CMTM6: variants seen among roughly 807,000 people sequenced by gnomAD.
CMTM6 encodes the protein CKLF like MARVEL transmembrane domain containing 6, also known as CKLF-like MARVEL transmembrane domain-containing protein 6.
A neutral mutation model predicts 13.6 loss-of-function variants in CMTM6; 5 were observed. That is an observed-to-expected ratio of 0.37 (90% confidence interval 0.19 to 0.77). CMTM6 has a LOEUF of 0.77. Ranked by LOEUF, CMTM6 falls within the 30% of genes least tolerant of loss-of-function variation. CMTM6 has a pLI of 0.50. For missense variants in CMTM6, 196 were observed against 218.6 expected, an observed-to-expected ratio of 0.90 and a Z score of 0.65; for synonymous variants, 99 against 84.5, an observed-to-expected ratio of 1.17 and a Z score of -0.94.
intron 1 of CMTM6, among the ~76,000 whole-genome samples, chr3:32,498,597 CTT>C (rs58720077): frequency 3.9e-5 from 5 of 127,080 alleles, no homozygotes; most frequent in Admixed American, 1.7e-4. Flanking sequence ...ACTACCCCTT[CTT>C]TTTTTTTTTT....
In CMTM6 at chr3:32,491,905, A is replaced by G. The variant is rs753732209; in HGVS notation, c.139-19T>C. The G allele has an allele frequency of 1.3e-6, 2 of 1,583,608 alleles. No individual in the cohort carries two copies. The highest frequency in any genetic ancestry group is 1.7e-6 in the Non-Finnish European group (2 of 1,166,990). On this transcript the variant is annotated intron_variant, in intron 1 of 3. Coordinates refer to ENST00000205636, the MANE Select transcript of CMTM6 (RefSeq NM_017801.3). ...ACAGCAACTACAAATGAAGCAAAAC[A>G]TTTTACTTAAGTGTTTTTTCAGAGA...
intron 1 of CMTM6, among the ~76,000 whole-genome samples, chr3:32,496,005 A>G (rs1318102922): frequency 1.3e-5 from 2 of 152,138 alleles, no homozygotes; most frequent in Admixed American, 6.5e-5. Flanking sequence ...GTTCAAGACC[A>G]GCCTGGCCAA....
intron 2 of CMTM6, 24 bp from the exon 3 acceptor site, chr3:32,488,060 A>C: frequency 4.9e-6 from 7 of 1,415,786 alleles, no homozygotes; most frequent in Non-Finnish European, 6.0e-6. Flanking sequence ...CAAAACACAA[A>C]AGGAATACAA....
intron 3 of CMTM6, among the ~76,000 whole-genome samples, chr3:32,486,060 T>C (rs1431102054): frequency 6.6e-6 from 1 of 152,200 alleles, no homozygotes; most frequent in Non-Finnish European, 1.5e-5. Context: ...GTATTTTTAG[T>C]AGAGACAAGC....
chr3:32,486,732 T>C (rs1481468444), intron 3 of CMTM6, among the ~76,000 whole-genome samples: 1 of 152,190 alleles, frequency 6.6e-6, no homozygotes, highest in African/African-American at 2.4e-5. Flanking sequence ...CCAATTCTCA[T>C]GTCAAATTAT....
rs759598730 is a variant in CMTM6, at chr3:32,502,671, G to A, written c.75C>T (p.Leu25=). 8.8e-6 allele frequency: 14 copies of A among 1,590,418 alleles called. 1 individual carries two copies. Among genetic ancestry groups the A allele is most frequent in the South Asian group, 6.8e-5 (6 of 87,876 alleles). The change falls in exon 1 of 4, where the codon CTC becomes CTT. Residue 25 remains leucine, a synonymous_variant. Coordinates refer to ENST00000205636, the MANE Select transcript of CMTM6 (RefSeq NM_017801.3). ...PGPARGPRSG[L]AAYFFMGRLP... ...GCCGGCCCATGAAAAAGTAGGCAGC[G>A]AGGCCGCTCCGGGGGCCTCTGGCGG...
chr3:32,483,853 A>T lies in CMTM6; in HGVS notation c.*107T>A. ...CTTCTTGACCTTCCCCTTGCTCTCC[A>T]AAAGAAGTGGTTTAAACAATTAACA... On this transcript the variant is annotated 3_prime_UTR_variant, in exon 4 of 4. Coordinates refer to ENST00000205636, the MANE Select transcript of CMTM6 (RefSeq NM_017801.3). The T allele has an allele frequency of 6.0e-6, 7 of 1,160,442 alleles. No homozygotes were observed. Among genetic ancestry groups the T allele is most frequent in the Non-Finnish European group, 8.0e-6 (7 of 874,018 alleles). 71.9% of individuals were successfully genotyped at this position (1,160,442 alleles called of 1,614,324 possible). A position where few individuals can be genotyped will look rare whatever the true frequency, so the allele number is the denominator to read the frequency against.
intron 1 of CMTM6, among the ~76,000 whole-genome samples, chr3:32,498,859 T>C (rs1338750002): frequency 1.3e-5 from 2 of 152,096 alleles, no homozygotes; most frequent in Non-Finnish European, 2.9e-5. Flanking sequence ...ATTACAGGCA[T>C]GAGCCACCGC....
At position 32,502,475 on chromosome 3, in the gene CMTM6, G is replaced by A. The variant is rs1480261017; in HGVS notation, c.138+133C>T. ...AACGCCCCCTTCCCCAGGCTGAGAG[G>A]GAAGGAACTAGAGGTGTGGAAACCT... On this transcript the variant is annotated intron_variant, in intron 1 of 3. Coordinates refer to ENST00000205636, the MANE Select transcript of CMTM6 (RefSeq NM_017801.3). The A allele has an allele frequency of 6.1e-6, 7 of 1,148,342 alleles. No individual in the cohort carries two copies. In the Admixed American group the frequency reaches 9.1e-5, roughly 15 times the overall value. 71.1% of individuals were successfully genotyped at this position (1,148,342 alleles called of 1,614,324 possible). A position where few individuals can be genotyped will look rare whatever the true frequency, so the allele number is the denominator to read the frequency against.
At chr3:32,488,945 T>A (rs1697227656) in intron 2 of CMTM6, among the ~76,000 whole-genome samples, 1 of 152,166 alleles carries the variant, frequency 6.6e-6, no homozygotes, top group Non-Finnish European at 1.5e-5. Flanking sequence ...TTTTTGAGTT[T>A]TCTGAACTGC....
In CMTM6 at chr3:32,483,869, A is replaced by G; in HGVS notation, c.*91T>C. On this transcript the variant is annotated 3_prime_UTR_variant, in exon 4 of 4. Coordinates refer to ENST00000205636, the MANE Select transcript of CMTM6 (RefSeq NM_017801.3). ...TTGCTCTCCAAAAGAAGTGGTTTAAACAATTAACAAATTTTACAAGAGCTT... is the reference window on the plus strand; with the variant it reads ...TTGCTCTCCAAAAGAAGTGGTTTAAGCAATTAACAAATTTTACAAGAGCTT... 1 of 1,289,264 alleles carries G rather than the reference A, an allele frequency of 7.8e-7. No homozygotes were observed. The allele number at this position is 1,289,264 out of a possible 1,614,324, so 79.9% of individuals were successfully genotyped here. A position where few individuals can be genotyped will look rare whatever the true frequency, so the allele number is the denominator to read the frequency against.
chr3:32,502,134 C>A (rs1697350120), intron 1 of CMTM6, among the ~76,000 whole-genome samples: 1 of 152,218 alleles, frequency 6.6e-6, no homozygotes, highest in South Asian at 2.1e-4. Flanking sequence ...CTCAATGCCA[C>A]GCGTGGTATC....
Position 32,483,792 on chromosome 3 carries a change from A to C in CMTM6, c.*168T>G. On this transcript the variant is annotated 3_prime_UTR_variant, in exon 4 of 4. Coordinates refer to ENST00000205636, the MANE Select transcript of CMTM6 (RefSeq NM_017801.3). ...AAATTTTTTTTAACTTATCTGGCCT[A>C]CTTTGTGGTGACTGACACAATATTG... 1 of 588,334 alleles carries C rather than the reference A, an allele frequency of 1.7e-6. No homozygotes were observed. The highest frequency in any genetic ancestry group is 3.3e-5 in the East Asian group (1 of 30,160). The allele number at this position is 588,334 out of a possible 1,614,324, so 36.4% of individuals were successfully genotyped here.
chr3:32,490,557 T>C, intron 2 of CMTM6, among the ~76,000 whole-genome samples: 1 of 152,208 alleles, frequency 6.6e-6, no homozygotes, highest in East Asian at 1.9e-4. Context: ...TTTTCTTTTT[T>C]CTCAGTATTT....
chr3:32,489,121 T>A (rs1697229344), intron 2 of CMTM6, among the ~76,000 whole-genome samples: 1 of 150,982 alleles, frequency 6.6e-6, no homozygotes, highest in African/African-American at 2.4e-5. Flanking sequence ...ACAAAAAAAA[T>A]TAGCTGGGCG....
At chr3:32,494,568 G>A (rs962220937) in intron 1 of CMTM6, among the ~76,000 whole-genome samples, 3 of 152,022 alleles carry the variant, frequency 2.0e-5, no homozygotes, top group Admixed American at 1.3e-4. Context: ...AAACCGGTAC[G>A]TGAATGTTTA....
chr3:32,502,847 C>G lies in CMTM6; in HGVS notation c.-102G>C. ...GGGAGGCGGCCGTCACTTCCTGGGC[C>G]TTCTCCCCGGCTTCCGCCTGACTCC... On this transcript the variant is annotated 5_prime_UTR_variant, in exon 1 of 4. Coordinates refer to ENST00000205636, the MANE Select transcript of CMTM6 (RefSeq NM_017801.3). The G allele has an allele frequency of 1.5e-6, 2 of 1,315,112 alleles. No homozygotes were observed. The highest frequency in any genetic ancestry group is 2.0e-6 in the Non-Finnish European group (2 of 1,022,690). The allele number at this position is 1,315,112 out of a possible 1,614,324, so 81.5% of individuals were successfully genotyped here. A position where few individuals can be genotyped will look rare whatever the true frequency, so the allele number is the denominator to read the frequency against.
Position 32,502,770 on chromosome 3 carries a change from G to A in CMTM6, c.-25C>T, listed in dbSNP as rs1697359073. ...TCGCCTCGGGCCGGGGAGCGCGGCG[G>A]CCGCAGCAACCGCGCCGTTGACTTC... On this transcript the variant is annotated 5_prime_UTR_variant, in exon 1 of 4. Transcript: ENST00000205636. The A allele has an allele frequency of 5.0e-6, 7 of 1,406,256 alleles. No individual in the cohort carries two copies. The highest frequency in any genetic ancestry group is 1.5e-5 in the African/African-American group (1 of 66,070). The allele number at this position is 1,406,256 out of a possible 1,614,324, so 87.1% of individuals were successfully genotyped here.
intron 1 of CMTM6, among the ~76,000 whole-genome samples, chr3:32,501,033 CAA>C (rs36111581): frequency 0.2 from 24,653 of 124,762 alleles, 2,178 homozygotes; most frequent in Middle Eastern, 0.25. Context: ...CCGTCTCTAC[CAA>C]AAAAAAAAAA....
Sources: allele counts gnomAD v4.1 joint callset (sites outside exome capture counted in the v4.1 genomes callset), GRCh38; gene constraint gnomAD v4.1.1; transcripts MANE v1.5; gene names NCBI Gene and HGNC (gene_info 2026-07-23, HGNC 2026-07-21).